Variants in ZDHHC14 observed in about 807,000 individuals in gnomAD.
ZDHHC14 encodes zDHHC palmitoyltransferase 14, also known as palmitoyltransferase ZDHHC14.
In ZDHHC14, 16 loss-of-function variants were observed where a neutral mutation model predicts 47.7. That is an observed-to-expected ratio of 0.34 (90% CI 0.23 to 0.51). The LOEUF (loss-of-function observed/expected upper bound fraction) is 0.51, where lower values mean the gene tolerates loss of function less well. ZDHHC14 is among the 20% of genes least tolerant of loss of function. ZDHHC14 has a pLI of 0.97. For missense variants in ZDHHC14, 515 were observed against 662.5 expected (o/e 0.78, Z 2.44); for synonymous variants, 293 against 278.9 (o/e 1.05, Z -0.50).
chr6:157,612,825 G>A (rs1451359384), intron 3 of ZDHHC14, among the ~76,000 whole-genome samples: 2 of 134,440 alleles, frequency 1.5e-5, no homozygotes, highest in South Asian at 2.4e-4. Context: ...TGTCTCCATC[G>A]TAGTCTTCTC....
chr6:157,504,399 C>T (rs1229433370), intron 1 of ZDHHC14, among the ~76,000 whole-genome samples: 20 of 150,264 alleles, frequency 1.3e-4, no homozygotes, highest in African/African-American at 3.9e-4. Flanking sequence ...CTGCCTGCCT[C>T]GGCTTCCCAA....
At chr6:157,603,777 G>GTAA in intron 3 of ZDHHC14, among the ~76,000 whole-genome samples, 1 of 152,280 alleles carries the variant, frequency 6.6e-6, no homozygotes, top group Admixed American at 6.5e-5. Context: ...GCTGAAGGGA[G>GTAA]GGCAGCTACC....
At chr6:157,520,155 G>C (rs1562459359) in intron 1 of ZDHHC14, among the ~76,000 whole-genome samples, 1 of 152,160 alleles carries the variant, frequency 6.6e-6, no homozygotes, top group Non-Finnish European at 1.5e-5. Flanking sequence ...TCCTAGCCGT[G>C]TCCTGATCTG....
intron 8 of ZDHHC14, among the ~76,000 whole-genome samples, chr6:157,658,311 G>A (rs972562004): frequency 6.6e-6 from 1 of 152,152 alleles, no homozygotes; most frequent in Admixed American, 6.5e-5. Flanking sequence ...AATAGGAGGT[G>A]GGATTAATTT....
intron 3 of ZDHHC14, among the ~76,000 whole-genome samples, chr6:157,599,251 A>G (rs1177211829): frequency 1.3e-5 from 2 of 152,234 alleles, no homozygotes; most frequent in East Asian, 3.8e-4. Flanking sequence ...AGGCTCAGAA[A>G]CCAGGAACAG....
intron 2 of ZDHHC14, among the ~76,000 whole-genome samples, chr6:157,560,146 G>A (rs917858790): frequency 3.9e-5 from 6 of 152,322 alleles, no homozygotes; most frequent in East Asian, 1.9e-4. Context: ...TCATGCCCAC[G>A]GAAAGAGGCA....
rs181010881 is a variant in ZDHHC14, at chr6:157,552,109, C to G, written c.406+9364C>G. Among the ~76,000 whole-genome samples the G allele has an allele frequency of 2.6e-5, 4 of 152,240 alleles. No homozygotes were observed. In the East Asian group the frequency reaches 7.7e-4, roughly 29 times the overall value. On this transcript the variant is annotated intron_variant, in intron 2 of 8. Transcript: ENST00000359775. ...TCTGTTAATTTTAAAATGCAAAGCT[C>G]CGTGCACACCCATGTAAATTCAACA... is the stretch of plus-strand genomic sequence containing the variant.
intron 2 of ZDHHC14, among the ~76,000 whole-genome samples, chr6:157,551,837 A>G (rs1189186984): frequency 6.6e-6 from 1 of 152,170 alleles, no homozygotes; most frequent in East Asian, 1.9e-4. Context: ...CCTTATTATT[A>G]CATATTTAAA....
At chr6:157,664,883 C>T (rs1426734298) in intron 8 of ZDHHC14, among the ~76,000 whole-genome samples, 1 of 127,350 alleles carries the variant, frequency 7.9e-6, no homozygotes, top group African/African-American at 2.6e-5. Flanking sequence ...TCCACTAGGA[C>T]TTCTGGTCCT....
At chr6:157,403,735 G>T (rs1583615982) in intron 1 of ZDHHC14, among the ~76,000 whole-genome samples, 1 of 152,374 alleles carries the variant, frequency 6.6e-6, no homozygotes, top group East Asian at 1.9e-4. Context: ...CATTAGCTTA[G>T]CTTAGTTTAG....
chr6:157,662,162 T>C (rs959682374), intron 8 of ZDHHC14, among the ~76,000 whole-genome samples: 1 of 151,808 alleles, frequency 6.6e-6, no homozygotes, highest in Admixed American at 6.6e-5. Flanking sequence ...GACATACATT[T>C]TCTAACTTAC....
At chr6:157,622,191 C>CA (rs1347600297) in intron 3 of ZDHHC14, among the ~76,000 whole-genome samples, 1 of 113,048 alleles carries the variant, frequency 8.8e-6, no homozygotes, top group Non-Finnish European at 1.8e-5. Flanking sequence ...ACCAACATGG[C>CA]AAAATCCCAT....
intron 3 of ZDHHC14, among the ~76,000 whole-genome samples, chr6:157,601,621 G>A (rs902633722): frequency 3.9e-5 from 6 of 152,156 alleles, no homozygotes; most frequent in Non-Finnish European, 7.3e-5. Context: ...TAAAATAGCT[G>A]TGAAATGTAA....
chr6:157,632,986 A>G (rs1776777579), intron 5 of ZDHHC14, 104 bp downstream of exon 5: 3 of 1,225,866 alleles, frequency 2.4e-6, no homozygotes, highest in Admixed American at 1.7e-5. Context: ...CTTGCTTCTC[A>G]TGTATCTTAT....
chr6:157,617,792 C>T (rs1785027573), intron 3 of ZDHHC14, among the ~76,000 whole-genome samples: 1 of 152,156 alleles, frequency 6.6e-6, no homozygotes, highest in Admixed American at 6.6e-5. Context: ...GGTGGGCAGA[C>T]ATCAGAAGCT....
chr6:157,398,025 C>T (rs1777556371), intron 1 of ZDHHC14, among the ~76,000 whole-genome samples: 1 of 151,786 alleles, frequency 6.6e-6, no homozygotes, highest in African/African-American at 2.4e-5. Flanking sequence ...TCCCGAGCCC[C>T]TCAGCCCCCC....
At chr6:157,466,918 C>T (rs544086053) in intron 1 of ZDHHC14, among the ~76,000 whole-genome samples, 2 of 152,116 alleles carry the variant, frequency 1.3e-5, no homozygotes, top group East Asian at 3.9e-4. Context: ...AATACTGGGC[C>T]TGAGAGGTCT....
intron 1 of ZDHHC14, among the ~76,000 whole-genome samples, chr6:157,477,161 C>A (rs1261797614): frequency 2.0e-5 from 3 of 152,190 alleles, no homozygotes; most frequent in Non-Finnish European, 2.9e-5. Flanking sequence ...GGGGTGGTCA[C>A]CTGAGGTCAG....
At chr6:157,540,204 G>A (rs529937242) in intron 1 of ZDHHC14, among the ~76,000 whole-genome samples, 9 of 152,360 alleles carry the variant, frequency 5.9e-5, no homozygotes, top group African/African-American at 2.2e-4. Context: ...TGCAGTGAGA[G>A]TGTGGCAGGG....
Sources: gnomAD v4.1 joint callset for allele counts (sites outside exome capture counted in the v4.1 genomes callset) on GRCh38, gnomAD v4.1.1 for gene constraint, MANE v1.5 for transcripts, NCBI Gene and HGNC (gene_info 2026-07-23, HGNC 2026-07-21) for gene names.